Variants in SGMS1 observed in about 807,000 individuals in gnomAD.
SGMS1 encodes phosphatidylcholine:ceramide cholinephosphotransferase 1.
Under a neutral mutation model 46.2 loss-of-function variants are expected in SGMS1, and 13 were observed. The observed-to-expected ratio is 0.28, with a 90% confidence interval of 0.18 to 0.45. The LOEUF is 0.45. Ranked by LOEUF, SGMS1 falls within the 20% of genes least tolerant of loss-of-function variation. The pLI, the probability that SGMS1 is intolerant of heterozygous loss-of-function variation, is 1.00. For synonymous variants in SGMS1, 203 were observed against 187.8 expected (o/e 1.08, Z -0.66); for missense variants, 324 against 519.9 (o/e 0.62, Z 3.66).
At chr10:50,458,404 G>A (rs1245212648) in intron 5 of SGMS1, among the ~76,000 whole-genome samples, 7 of 134,262 alleles carry the variant, frequency 5.2e-5, no homozygotes, top group Non-Finnish European at 1.1e-4. Context: ...CGCCCAGGCT[G>A]GAGTGCAGTG....
intron 9 of SGMS1, among the ~76,000 whole-genome samples, chr10:50,309,947 C>T (rs559475886): frequency 4.9e-4 from 74 of 152,276 alleles, no homozygotes; most frequent in African/African-American, 1.7e-3. Context: ...CAGCAATCTC[C>T]TAACTTTTCT....
intron 5 of SGMS1, among the ~76,000 whole-genome samples, chr10:50,457,379 CCTTTTT>C (rs913551363): frequency 3.3e-5 from 5 of 151,698 alleles, no homozygotes; most frequent in African/African-American, 1.2e-4. Context: ...TTCTTTTTTT[CCTTTTT>C]GTTCTTACTT....
intron 2 of SGMS1, among the ~76,000 whole-genome samples, chr10:50,549,669 A>C (rs139465319): frequency 3.0e-3 from 452 of 152,338 alleles, no homozygotes; most frequent in African/African-American, 9.8e-3. Flanking sequence ...ACAAATCTGC[A>C]CATCCTGCAC....
chr10:50,595,860 G>A (rs1276172485), intron 1 of SGMS1, among the ~76,000 whole-genome samples: 1 of 152,182 alleles, frequency 6.6e-6, no homozygotes, highest in Non-Finnish European at 1.5e-5. Flanking sequence ...TAAGAGCAGA[G>A]GACTCAGTCA....
intron 7 of SGMS1, among the ~76,000 whole-genome samples, chr10:50,329,777 C>T (rs74131281): frequency 0.015 from 2,257 of 152,304 alleles, 64 homozygotes; most frequent in African/African-American, 0.052. Context: ...GCTCCCCTCA[C>T]ATGGGATACA....
At chr10:50,461,685 C>G (rs1837266278) in intron 4 of SGMS1, among the ~76,000 whole-genome samples, 1 of 152,082 alleles carries the variant, frequency 6.6e-6, no homozygotes, top group Non-Finnish European at 1.5e-5. Context: ...TCCCTGGACC[C>G]CAGGATAAAA....
intron 6 of SGMS1, among the ~76,000 whole-genome samples, chr10:50,396,073 G>A (rs1168439154): frequency 1.3e-5 from 2 of 152,198 alleles, no homozygotes; most frequent in Non-Finnish European, 2.9e-5. Flanking sequence ...GGACCCTCCA[G>A]TGCATTTCCT....
At chr10:50,350,950 C>T (rs1167390415) in intron 6 of SGMS1, among the ~76,000 whole-genome samples, 1 of 152,098 alleles carries the variant, frequency 6.6e-6, no homozygotes, top group South Asian at 2.1e-4. Context: ...TCCTCCAGAC[C>T]CCAGAATGGT....
intron 2 of SGMS1, among the ~76,000 whole-genome samples, chr10:50,557,805 C>T (rs1223488012): frequency 5.3e-5 from 8 of 152,078 alleles, no homozygotes; most frequent in Non-Finnish European, 1.0e-4. Context: ...GCATAGGAGA[C>T]TCTACCCACT....
At chr10:50,425,659 A>G (rs1250904463) in intron 6 of SGMS1, among the ~76,000 whole-genome samples, 2 of 152,224 alleles carry the variant, frequency 1.3e-5, no homozygotes, top group Non-Finnish European at 2.9e-5. Flanking sequence ...CTACCTGGAT[A>G]ATGGGATGAA....
chr10:50,579,712 T>G (rs540591083), intron 2 of SGMS1, among the ~76,000 whole-genome samples: 1 of 152,190 alleles, frequency 6.6e-6, no homozygotes, highest in East Asian at 1.9e-4. Flanking sequence ...ACCTCCCATA[T>G]GAAATTTTCT....
At chr10:50,339,774 A>G (rs547169289) in intron 7 of SGMS1, among the ~76,000 whole-genome samples, 1 of 152,344 alleles carries the variant, frequency 6.6e-6, no homozygotes, top group South Asian at 2.1e-4. Context: ...GGAACTTACA[A>G]TTTAGCAATG....
At chr10:50,326,254 C>A (rs912295576) in intron 8 of SGMS1, among the ~76,000 whole-genome samples, 1 of 152,032 alleles carries the variant, frequency 6.6e-6, no homozygotes, top group Non-Finnish European at 1.5e-5. Flanking sequence ...AAGAAAAGAG[C>A]CACAGGAGAC....
At chr10:50,448,891 T>C (rs889272020) in intron 5 of SGMS1, among the ~76,000 whole-genome samples, 2 of 152,100 alleles carry the variant, frequency 1.3e-5, no homozygotes, top group African/African-American at 4.8e-5. Context: ...GATTTAAAAA[T>C]GGGCTGAAGA....
intron 6 of SGMS1, among the ~76,000 whole-genome samples, chr10:50,389,838 T>C (rs1308831197): frequency 6.6e-6 from 1 of 152,220 alleles, no homozygotes; most frequent in Non-Finnish European, 1.5e-5. Flanking sequence ...AATAAACTGT[T>C]CCTAAGCAAT....
chr10:50,431,535 G>A (rs56078228), intron 6 of SGMS1, among the ~76,000 whole-genome samples: 31,897 of 152,136 alleles, frequency 0.21, 3,377 homozygotes, highest in Admixed American at 0.24. Context: ...AACTGAAGAA[G>A]TTGCTTCTAG....
intron 2 of SGMS1, among the ~76,000 whole-genome samples, chr10:50,578,697 AT>A (rs530800503): frequency 4.0e-5 from 6 of 150,654 alleles, no homozygotes; most frequent in East Asian, 3.9e-4. Context: ...TCTGACCTGG[AT>A]TTTTTTTTTA....
chr10:50,607,515 G>A (rs1838708786), intron 1 of SGMS1, among the ~76,000 whole-genome samples: 1 of 152,186 alleles, frequency 6.6e-6, no homozygotes, highest in African/African-American at 2.4e-5. Flanking sequence ...AAGCTAAGAT[G>A]CAGATGGAGA....
chr10:50,547,484 C>G (rs1257463666), intron 2 of SGMS1, among the ~76,000 whole-genome samples: 1 of 152,126 alleles, frequency 6.6e-6, no homozygotes, highest in African/African-American at 2.4e-5. Context: ...TCTCCCAAAA[C>G]TTAACCAGGA....
Sources: allele counts gnomAD v4.1 joint callset (sites outside exome capture counted in the v4.1 genomes callset), GRCh38; gene constraint gnomAD v4.1.1; transcripts MANE v1.5; gene names NCBI Gene and HGNC (gene_info 2026-07-23, HGNC 2026-07-21).